Variants in LIMS1 observed in about 807,000 individuals in gnomAD.
LIMS1 encodes LIM zinc finger domain containing 1.
LIMS1 carries 18 observed loss-of-function variants against 44.1 expected under a neutral mutation model. That is an observed-to-expected ratio of 0.41 (90% confidence interval 0.28 to 0.61). The LOEUF (loss-of-function observed/expected upper bound fraction) is 0.61, where lower values mean the gene tolerates loss of function less well. Ranked by LOEUF, LIMS1 falls within the 20% of genes least tolerant of loss-of-function variation. The pLI, the probability that LIMS1 is intolerant of heterozygous loss-of-function variation, is 0.32. For missense variants in LIMS1, 201 were observed against 422.0 expected, an observed-to-expected ratio of 0.48 and a Z score of 4.59; for synonymous variants, 93 against 149.1, an observed-to-expected ratio of 0.62 and a Z score of 2.74.
At chr2:108,593,376 C>G (rs1436847568) in intron 1 of LIMS1, among the ~76,000 whole-genome samples, 1 of 152,102 alleles carries the variant, frequency 6.6e-6, no homozygotes, top group Non-Finnish European at 1.5e-5. Context: ...CTTTCCCTCA[C>G]TAATTCTTTC....
rs187956359 is a variant in LIMS1 at position 108,618,627 on chromosome 2, C to T, written c.33-40978C>T. ...AGATCACAAGGTCAGGAGATCAAGACCATCTTGGCCAACATGGTGAAACCC... is the reference window on the plus strand; with the variant it reads ...AGATCACAAGGTCAGGAGATCAAGATCATCTTGGCCAACATGGTGAAACCC... On this transcript the variant is annotated intron_variant, in intron 1 of 9. Transcript: ENST00000544547. Among the ~76,000 whole-genome samples the T allele has an allele frequency of 3.1e-4, 47 of 152,112 alleles. 1 individual carries two copies. The highest frequency in any genetic ancestry group is 3.4e-3 in the Middle Eastern group (1 of 294).
At chr2:108,632,475 C>T (rs1046568129) in intron 1 of LIMS1, among the ~76,000 whole-genome samples, 20 of 152,310 alleles carry the variant, frequency 1.3e-4, no homozygotes, top group Non-Finnish European at 2.6e-4. Flanking sequence ...TCAGGCAACG[C>T]GCATTCTCAG....
rs528345781 is a variant in LIMS1 at position 108,584,748 on chromosome 2, G to A, written c.32+50154G>A. On this transcript the variant is annotated intron_variant, in intron 1 of 9. Transcript: ENST00000544547. ...GAAGCCCTTCCCAGCCGAGGTCAGC[G>A]TGAGCAGCAGCATGGAGATGAGGGC... Among the ~76,000 whole-genome samples, 6 of 152,240 alleles carry A rather than the reference G, an allele frequency of 3.9e-5. 1 individual carries two copies. In the South Asian group the frequency reaches 8.3e-4, roughly 21 times the overall value.
intron 1 of LIMS1, among the ~76,000 whole-genome samples, chr2:108,603,495 CTTT>C (rs55909729): frequency 2.3e-5 from 2 of 88,216 alleles, no homozygotes; most frequent in East Asian, 5.3e-4. Flanking sequence ...TTTTCATCGC[CTTT>C]TTTTTTTTTT....
chr2:108,678,834 T>C (rs1477671323), intron 8 of LIMS1, among the ~76,000 whole-genome samples: 3 of 152,242 alleles, frequency 2.0e-5, no homozygotes, highest in Non-Finnish European at 4.4e-5. Context: ...ACCTAGTTCA[T>C]ATTTCCATGT....
chr2:108,665,342 A>G (rs573021552), intron 2 of LIMS1, among the ~76,000 whole-genome samples: 3 of 152,226 alleles, frequency 2.0e-5, no homozygotes, highest in South Asian at 4.1e-4. Context: ...TTGTAACACA[A>G]TGGTGAGTAT....
At chr2:108,573,892 G>A (rs928786023) in intron 1 of LIMS1, among the ~76,000 whole-genome samples, 11 of 152,116 alleles carry the variant, frequency 7.2e-5, no homozygotes, top group African/African-American at 2.4e-4. Context: ...GAGCAGCAGA[G>A]GTGAGGTCCT....
chr2:108,639,614 G>A (rs572448069), intron 1 of LIMS1, among the ~76,000 whole-genome samples: 6 of 152,098 alleles, frequency 3.9e-5, no homozygotes, highest in Non-Finnish European at 8.8e-5. Flanking sequence ...CACCACACCC[G>A]GCTAATTTTT....
chr2:108,683,539 C>CAAAAAA (rs35864001), intron 9 of LIMS1, among the ~76,000 whole-genome samples: 6 of 105,936 alleles, frequency 5.7e-5, no homozygotes, highest in African/African-American at 2.3e-4. Context: ...GCTCTGTTTC[C>CAAAAAA]AAAAAAAAAA....
intron 7 of LIMS1, chr2:108,677,177 G>T (rs1692626679): frequency 6.5e-6 from 1 of 153,628 alleles, no homozygotes; most frequent in South Asian, 2.1e-4. Flanking sequence ...CCAGCCTCTG[G>T]CTGTGATGTT....
At chr2:108,644,335 A>G (rs1229439941) in intron 1 of LIMS1, among the ~76,000 whole-genome samples, 1 of 152,156 alleles carries the variant, frequency 6.6e-6, no homozygotes, top group Non-Finnish European at 1.5e-5. Flanking sequence ...AGCCCCCGCC[A>G]GTGATACCCA....
intron 1 of LIMS1, among the ~76,000 whole-genome samples, chr2:108,583,400 C>A (rs1448359262): frequency 6.6e-6 from 1 of 151,920 alleles, no homozygotes; most frequent in African/African-American, 2.4e-5. Flanking sequence ...TCCTGAGTGA[C>A]ATAGGGCATA....
chr2:108,611,989 A>G (rs972379252), intron 1 of LIMS1, among the ~76,000 whole-genome samples: 1 of 142,006 alleles, frequency 7.0e-6, no homozygotes, highest in Admixed American at 7.1e-5. Context: ...ATATATATAC[A>G]TATATTATAT....
intron 1 of LIMS1, among the ~76,000 whole-genome samples, chr2:108,625,588 A>G (rs1438720909): frequency 2.1e-5 from 3 of 146,274 alleles, no homozygotes; most frequent in Non-Finnish European, 4.5e-5. Context: ...CCCCCCCCCC[A>G]AAAAAATGCA....
At chr2:108,619,620 G>T (rs1276567191) in intron 1 of LIMS1, among the ~76,000 whole-genome samples, 1 of 152,104 alleles carries the variant, frequency 6.6e-6, no homozygotes, top group Non-Finnish European at 1.5e-5. Flanking sequence ...GGAGGCGGAG[G>T]TTACAGTGAG....
intron 1 of LIMS1, among the ~76,000 whole-genome samples, chr2:108,639,320 C>T (rs1462552813): frequency 6.6e-6 from 1 of 152,176 alleles, no homozygotes; most frequent in Admixed American, 6.5e-5. Flanking sequence ...GGTATTCATC[C>T]AGAAAATCGT....
intron 1 of LIMS1, among the ~76,000 whole-genome samples, chr2:108,639,057 G>A (rs890258239): frequency 2.0e-5 from 3 of 151,912 alleles, no homozygotes; most frequent in East Asian, 1.9e-4. Context: ...AAAAAAAAAT[G>A]TCTACTTAAG....
chr2:108,572,703 G>A (rs1685524188), intron 1 of LIMS1, among the ~76,000 whole-genome samples: 1 of 152,112 alleles, frequency 6.6e-6, no homozygotes. Context: ...TGCTCTTGAT[G>A]TGTATAGGAG....
intron 1 of LIMS1, among the ~76,000 whole-genome samples, chr2:108,618,953 T>A (rs1448241185): frequency 6.6e-6 from 1 of 152,134 alleles, no homozygotes; most frequent in East Asian, 1.9e-4. Context: ...TGTTTGTCAG[T>A]ACAGCCTTTT....
Sources: gnomAD v4.1 joint callset for allele counts (sites outside exome capture counted in the v4.1 genomes callset) on GRCh38, gnomAD v4.1.1 for gene constraint, MANE v1.5 for transcripts, NCBI Gene and HGNC (gene_info 2026-07-23, HGNC 2026-07-21) for gene names.